The following XRCC6 variants were observed in gnomAD, a reference collection of about 807,000 sequenced individuals.
XRCC6 encodes the protein X-ray repair cross complementing 6, also known as DNA repair protein Ku70.
XRCC6 carries 5 observed loss-of-function variants against 65.7 expected under a neutral mutation model. The observed-to-expected ratio is 0.08, with a 90% CI of 0.04 to 0.16. The LOEUF is 0.16. Ranked by LOEUF, XRCC6 falls within the 10% of genes least tolerant of loss-of-function variation. The pLI, the probability that XRCC6 is intolerant of heterozygous loss-of-function variation, is 1.00. For synonymous variants in XRCC6, 270 were observed against 270.6 expected, an observed-to-expected ratio of 1.00 and a Z score of 0.02; for missense variants, 447 against 738.1, an observed-to-expected ratio of 0.61 and a Z score of 4.57.
At chr22:41,640,395 C>T (rs531791970) in intron 6 of XRCC6, among the ~76,000 whole-genome samples, 14 of 152,142 alleles carry the variant, frequency 9.2e-5, no homozygotes, top group East Asian at 3.9e-4. Flanking sequence ...GTGATCCACC[C>T]GCCTCAGCCT....
chr22:41,650,895 A>C lies in XRCC6; in HGVS notation c.1129+4A>C, dbSNP rs373277330. 1 of 1,613,966 alleles carries C rather than the reference A, an allele frequency of 6.2e-7. No homozygotes were observed. Among genetic ancestry groups the C allele is most frequent in the Non-Finnish European group, 8.5e-7 (1 of 1,179,994 alleles). On this transcript the variant is annotated splice_donor_region_variant and intron_variant, in intron 8 of 12. Coordinates refer to ENST00000360079, the MANE Select transcript of XRCC6 (RefSeq NM_001469.5). Reference sequence around the variant, plus strand: ...CCAGAGGAGTCGCTGGTGATTGGTAAGTAGCGTGGACCATGGATGAGTGAC... The same window carrying C: ...CCAGAGGAGTCGCTGGTGATTGGTACGTAGCGTGGACCATGGATGAGTGAC...
intron 3 of XRCC6, among the ~76,000 whole-genome samples, chr22:41,630,509 TA>T (rs1321380935): frequency 6.7e-4 from 101 of 151,812 alleles, no homozygotes; most frequent in African/African-American, 1.9e-3. Context: ...TTTTTTAATT[TA>T]TTTTTTTTAT....
chr22:41,651,964 A>AG (rs1390808889), intron 8 of XRCC6, among the ~76,000 whole-genome samples: 13 of 151,888 alleles, frequency 8.6e-5, no homozygotes, highest in Non-Finnish European at 1.8e-4. Flanking sequence ...CTGTATTTTT[A>AG]GTAGAGATGG....
chr22:41,636,254 C>T lies in XRCC6; in HGVS notation c.334+3C>T, dbSNP rs374096033. ...CTTACAGGAGCTGGATAATCCAGGT[C>T]AGTAATATTTTAAGATCAGCTTTTC... On this transcript the variant is annotated splice_donor_region_variant and intron_variant, in intron 4 of 12. Transcript: ENST00000360079. The T allele has an allele frequency of 1.3e-6, 2 of 1,581,152 alleles. No homozygotes were observed. Among genetic ancestry groups the T allele is most frequent in the Non-Finnish European group, 1.7e-6 (2 of 1,169,828 alleles).
In XRCC6 at chr22:41,656,925, C is replaced by T. The variant is rs2068050420; in HGVS notation, c.1314C>T (p.Pro438=). 1 of 1,613,554 alleles carries T rather than the reference C, an allele frequency of 6.2e-7. No homozygotes were observed. Among genetic ancestry groups the T allele is most frequent in the East Asian group, 2.2e-5 (1 of 44,858 alleles). Reference sequence around the variant, plus strand: ...CAGGCTTCCAGCTGGTCTTTTTACCCTTTGCTGATGATAAAAGGAAGATGC... The same window carrying T: ...CAGGCTTCCAGCTGGTCTTTTTACCTTTTGCTGATGATAAAAGGAAGATGC... ...TPPGFQLVFL[P]FADDKRKMPF... is the part of the protein sequence containing the mutation. The change falls in exon 10 of 13, where the codon CCC becomes CCT. Residue 438 remains proline (P), a synonymous_variant. Transcript: ENST00000360079.
chr22:41,623,747 G>A (rs565015239), intron 2 of XRCC6, among the ~76,000 whole-genome samples: 2 of 151,476 alleles, frequency 1.3e-5, no homozygotes, highest in Non-Finnish European at 2.9e-5. Context: ...TTGAGACAGA[G>A]TCTTGCTCTG....
At chr22:41,652,006 A>T (rs2068004394) in intron 8 of XRCC6, among the ~76,000 whole-genome samples, 1 of 151,720 alleles carries the variant, frequency 6.6e-6, no homozygotes, top group African/African-American at 2.4e-5. Flanking sequence ...CTTGTCTCGA[A>T]CTCCTGACCT....
chr22:41,657,426 C>T (rs557163120), intron 10 of XRCC6, among the ~76,000 whole-genome samples: 1 of 151,500 alleles, frequency 6.6e-6, no homozygotes, highest in African/African-American at 2.4e-5. Context: ...TATAATAGAC[C>T]AACTCTCAGA....
intron 7 of XRCC6, among the ~76,000 whole-genome samples, chr22:41,650,208 G>A (rs930072954): frequency 6.6e-6 from 1 of 151,340 alleles, no homozygotes; most frequent in African/African-American, 2.4e-5. Flanking sequence ...GGGCTCAAGC[G>A]ATCCTCCAGT....
At chr22:41,641,320 T>A (rs1038595273) in intron 6 of XRCC6, among the ~76,000 whole-genome samples, 26 of 152,200 alleles carry the variant, frequency 1.7e-4, no homozygotes, top group Non-Finnish European at 2.8e-4. Flanking sequence ...TTTTAAAAAA[T>A]TTTTAATTTT....
At chr22:41,634,858 T>C (rs1303020942) in intron 3 of XRCC6, among the ~76,000 whole-genome samples, 2 of 152,138 alleles carry the variant, frequency 1.3e-5, no homozygotes, top group Non-Finnish European at 2.9e-5. Flanking sequence ...GATGAGCTCT[T>C]ACAAGACCTG....
chr22:41,646,184 T>A (rs1238021588), intron 6 of XRCC6, among the ~76,000 whole-genome samples: 1 of 151,756 alleles, frequency 6.6e-6, no homozygotes, highest in African/African-American at 2.4e-5. Flanking sequence ...GTGCCTGTAA[T>A]CCCAGCCACT....
At chr22:41,661,539 T>C in intron 12 of XRCC6, 95 bp downstream of exon 12, 3 of 1,061,096 alleles carry the variant, frequency 2.8e-6, no homozygotes, top group Non-Finnish European at 4.1e-6. Context: ...AAATATCTAT[T>C]CACAGTCTAG....
chr22:41,663,584 A>C (rs758148253), intron 12 of XRCC6, 38 bp from the exon 13 acceptor site: 1 of 1,581,250 alleles, frequency 6.3e-7, no homozygotes, highest in East Asian at 2.3e-5. Context: ...ACTTGTATGT[A>C]GCATTTCCAG....
Position 41,656,225 on chromosome 22 carries a change from A to AAAG in XRCC6, c.1292-676_1292-675insGAA, listed in dbSNP as rs1176511230. ...AGCAAGATCCTGTCTCAAAAAAAAA[A>AAAG]AAAAAAAGATGAAGGCTGGGCGCGG... is the stretch of plus-strand genomic sequence containing the variant. On this transcript the variant is annotated intron_variant, in intron 9 of 12. Transcript: ENST00000360079. 2.6e-5 allele frequency among the ~76,000 whole-genome samples: 4 copies of AAAG among 151,354 alleles called. No homozygotes were observed. The East Asian group carries it at 7.8e-4, about 30-fold the overall frequency.
chr22:41,650,402 ATT>A (rs779530579), intron 7 of XRCC6, among the ~76,000 whole-genome samples: 3 of 151,942 alleles, frequency 2.0e-5, no homozygotes, highest in Non-Finnish European at 4.4e-5. Context: ...CACCTAGCCT[ATT>A]TTATTGTTTT....
chr22:41,642,297 A>T (rs1469442492), intron 6 of XRCC6, among the ~76,000 whole-genome samples: 1 of 152,184 alleles, frequency 6.6e-6, no homozygotes, highest in African/African-American at 2.4e-5. Context: ...AACTGAGGTG[A>T]GATGATATCT....
At chr22:41,655,942 A>G (rs1211553471) in intron 9 of XRCC6, among the ~76,000 whole-genome samples, 1 of 151,788 alleles carries the variant, frequency 6.6e-6, no homozygotes, top group Non-Finnish European at 1.5e-5. Flanking sequence ...TAAAATAGAA[A>G]AGGAGGCCAG....
intron 7 of XRCC6, among the ~76,000 whole-genome samples, chr22:41,649,798 G>A (rs1433603286): frequency 6.6e-6 from 1 of 151,200 alleles, no homozygotes; most frequent in Non-Finnish European, 1.5e-5. Flanking sequence ...GGAGCCTGCA[G>A]TGAGCCGAGA....
Sources: allele counts gnomAD v4.1 joint callset (sites outside exome capture counted in the v4.1 genomes callset), GRCh38; gene constraint gnomAD v4.1.1; transcripts MANE v1.5; gene names NCBI Gene and HGNC (gene_info 2026-07-23, HGNC 2026-07-21).